Variants in BLK observed in about 807,000 individuals in gnomAD.
BLK encodes the protein BLK proto-oncogene, Src family tyrosine kinase.
In BLK, 64 loss-of-function variants were observed where a neutral mutation model predicts 61.8. The ratio of observed to expected loss-of-function variants is 1.03; its 90% CI spans 0.85 to 1.27. BLK has a LOEUF of 1.27. Ranked by LOEUF, BLK falls within the 50% of genes most tolerant of loss-of-function variation. BLK has a pLI of 0.00. For synonymous variants in BLK, 351 were observed against 272.0 expected, an observed-to-expected ratio of 1.29 and a Z score of -2.86; for missense variants, 853 against 660.5, an observed-to-expected ratio of 1.29 and a Z score of -3.19.
intron 1 of BLK, among the ~76,000 whole-genome samples, chr8:11,506,609 T>C (rs1299957642): frequency 6.6e-6 from 1 of 152,212 alleles, no homozygotes; most frequent in Non-Finnish European, 1.5e-5. Context: ...GAAACTGACC[T>C]CTCAATTCAG....
intron 1 of BLK, among the ~76,000 whole-genome samples, chr8:11,496,263 G>T (rs557276475): frequency 6.6e-6 from 1 of 152,054 alleles, no homozygotes; most frequent in African/African-American, 2.4e-5. Flanking sequence ...TCAGAGATGG[G>T]GTCTTGCTCT....
rs892187102 is a variant in BLK, at chr8:11,494,401, G to C, written c.-192G>C. On this transcript the variant is annotated 5_prime_UTR_variant, in exon 1 of 13. Transcript: ENST00000259089. ...GCTCTGATCGCAGACCGGGGGTGCT[G>C]CCACCTCTGTCTGCTGCCGGCAGAA... 1 of 152,288 alleles carries C rather than the reference G, an allele frequency of 6.6e-6. No homozygotes were observed. The highest frequency in any genetic ancestry group is 2.4e-5 in the African/African-American group (1 of 41,460). The allele number at this position is 152,288 out of a possible 1,614,324, so 9.4% of individuals were successfully genotyped here. A position where few individuals can be genotyped will look rare whatever the true frequency, so the allele number is the denominator to read the frequency against.
At chr8:11,541,941 G>C (rs1434515216) in intron 1 of BLK, among the ~76,000 whole-genome samples, 1 of 152,092 alleles carries the variant, frequency 6.6e-6, no homozygotes. Context: ...AAAAAGTGTT[G>C]GTCTTTAAAA....
In BLK at chr8:11,528,630, G is replaced by C. The variant is rs146325616; in HGVS notation, c.-1-14594G>C. Among the ~76,000 whole-genome samples the C allele has an allele frequency of 2.0e-3, 298 of 152,270 alleles. 2 individuals carry two copies. Among genetic ancestry groups the C allele is most frequent in the African/African-American group, 6.7e-3 (278 of 41,558 alleles). On this transcript the variant is annotated intron_variant, in intron 1 of 12. Coordinates refer to ENST00000259089, the MANE Select transcript of BLK (RefSeq NM_001715.3). Reference sequence around the variant, plus strand: ...TATTTGGGGGAGGGGTTGACCCCAGGGTAAAAGGAGTGGAAGTGTCTTGCA... The same window carrying C: ...TATTTGGGGGAGGGGTTGACCCCAGCGTAAAAGGAGTGGAAGTGTCTTGCA...
chr8:11,526,785 G>A (rs1341175151), intron 1 of BLK, among the ~76,000 whole-genome samples: 1 of 149,184 alleles, frequency 6.7e-6, no homozygotes, highest in Admixed American at 6.7e-5. Context: ...TTCATCAGTA[G>A]GTTAGTACTC....
At chr8:11,519,491 T>C (rs1012898933) in intron 1 of BLK, among the ~76,000 whole-genome samples, 1 of 152,188 alleles carries the variant, frequency 6.6e-6, no homozygotes, top group South Asian at 2.1e-4. Flanking sequence ...ATGTCAAAAG[T>C]GGTATTTACT....
intron 1 of BLK, among the ~76,000 whole-genome samples, chr8:11,504,756 G>C (rs1245501078): frequency 6.6e-6 from 1 of 152,226 alleles, no homozygotes; most frequent in East Asian, 1.9e-4. Context: ...GATGAGGCCT[G>C]ATAAGGGTGC....
In BLK at chr8:11,508,778, G is replaced by A. The variant is rs185250597; in HGVS notation, c.-2+14187G>A. ...ACCCATCTCTCCTTCTGACCCAAAC[G>A]CAACTGTGATGGGGGCCGGTCCTGC... On this transcript the variant is annotated intron_variant, in intron 1 of 12. Coordinates refer to ENST00000259089, the MANE Select transcript of BLK (RefSeq NM_001715.3). 3.4e-3 allele frequency among the ~76,000 whole-genome samples: 522 copies of A among 152,316 alleles called. 2 individuals carry two copies. Among genetic ancestry groups the A allele is most frequent in the African/African-American group, 0.011 (466 of 41,550 alleles).
intron 1 of BLK, among the ~76,000 whole-genome samples, chr8:11,521,037 T>G (rs772094185): frequency 1.3e-5 from 2 of 152,154 alleles, no homozygotes; most frequent in African/African-American, 2.4e-5. Flanking sequence ...AAAAAAGAAC[T>G]GAAACTGTAT....
intron 11 of BLK, among the ~76,000 whole-genome samples, chr8:11,562,043 T>C (rs1801523603): frequency 6.6e-6 from 1 of 152,160 alleles, no homozygotes; most frequent in Admixed American, 6.5e-5. Flanking sequence ...GGTCTCGAAC[T>C]CCTGAATTTA....
rs200525228 is a variant in BLK, at chr8:11,504,341, G to GAGGAAGGAAGGA, written c.-2+9765_-2+9776dup. Among the ~76,000 whole-genome samples, 23 of 125,922 alleles carry GAGGAAGGAAGGA rather than the reference G, an allele frequency of 1.8e-4. No individual in the cohort carries two copies. In the South Asian group the frequency reaches 3.1e-3, roughly 17 times the overall value. 82.6% of individuals were successfully genotyped at this position (125,922 alleles called of 152,430 possible). On this transcript the variant is annotated intron_variant, in intron 1 of 12. Coordinates refer to ENST00000259089, the MANE Select transcript of BLK (RefSeq NM_001715.3). ...CCATCTCAAAATAAAGAAAGGAAGG[G>GAGGAAGGAAGGA]AGGAAGGAAGGAAGGAAGGAAGGAA...
chr8:11,522,675 T>TAA (rs539018189), intron 1 of BLK, among the ~76,000 whole-genome samples: 37 of 115,502 alleles, frequency 3.2e-4, no homozygotes, highest in Admixed American at 1.9e-3. Flanking sequence ...AAGGATACAG[T>TAA]AAAAAAAAAA....
intron 10 of BLK, chr8:11,561,063 G>A (rs1056982247): frequency 2.9e-6 from 2 of 681,890 alleles, no homozygotes; most frequent in Non-Finnish European, 5.4e-6. Context: ...GCGAGAACGA[G>A]GAGGGGGAGG....
Position 11,495,083 on chromosome 8 carries a change from T to G in BLK, c.-2+492T>G, listed in dbSNP as rs557528735. On this transcript the variant is annotated intron_variant, in intron 1 of 12. Coordinates refer to ENST00000259089, the MANE Select transcript of BLK (RefSeq NM_001715.3). ...TGAAGTTGTTCCATTTTTCAGGCAT[T>G]CAGGAATGGGGTAACTGAATAGATG... Among the ~76,000 whole-genome samples, 8 of 152,376 alleles carry G rather than the reference T, an allele frequency of 5.3e-5. No homozygotes were observed. In the South Asian group the frequency reaches 1.7e-3, roughly 32 times the overall value.
chr8:11,559,433 T>G (rs941515115), intron 10 of BLK, among the ~76,000 whole-genome samples: 1 of 145,788 alleles, frequency 6.9e-6, no homozygotes, highest in Non-Finnish European at 1.5e-5. Context: ...ACACACAAAC[T>G]CACACAGACA....
chr8:11,549,661 C>T (rs1051675172), intron 5 of BLK, among the ~76,000 whole-genome samples: 1 of 152,186 alleles, frequency 6.6e-6, no homozygotes, highest in African/African-American at 2.4e-5. Flanking sequence ...GGCCCAGCAA[C>T]GAGTCTTCTC....
chr8:11,556,274 A>G (rs1359970021), intron 8 of BLK: 1 of 324,242 alleles, frequency 3.1e-6, no homozygotes, highest in Non-Finnish European at 6.0e-6. Context: ...CCCATGCGTC[A>G]TCCTCCTGCC....
chr8:11,561,248 G>A (rs189980189), intron 10 of BLK, 54 bp from the exon 11 acceptor site: 103 of 1,588,536 alleles, frequency 6.5e-5, no homozygotes, highest in East Asian at 5.8e-4. Context: ...GTGTGGGCTC[G>A]GTCTTGGCGT....
At chr8:11,556,292 C>T in intron 8 of BLK, 2 of 354,566 alleles carry the variant, frequency 5.6e-6, no homozygotes, top group Non-Finnish European at 1.1e-5. Flanking sequence ...GCCCAGTGTA[C>T]CCCAGGCTGT....
Sources: allele counts gnomAD v4.1 joint callset (sites outside exome capture counted in the v4.1 genomes callset), GRCh38; gene constraint gnomAD v4.1.1; transcripts MANE v1.5; gene names NCBI Gene and HGNC (gene_info 2026-07-23, HGNC 2026-07-21).